Variants in CGGBP1 observed in about 807,000 individuals in gnomAD.
CGGBP1 encodes CGG triplet repeat binding protein 1.
A neutral mutation model predicts 11.4 loss-of-function variants in CGGBP1; 4 were observed. That is an observed-to-expected ratio of 0.35 (90% CI 0.17 to 0.80). The LOEUF (loss-of-function observed/expected upper bound fraction) is 0.80, where lower values mean the gene tolerates loss of function less well. Ranked by LOEUF, CGGBP1 falls within the 30% of genes least tolerant of loss-of-function variation. CGGBP1 has a pLI of 0.52. For missense variants in CGGBP1, 135 were observed against 202.1 expected, an observed-to-expected ratio of 0.67 and a Z score of 2.01; for synonymous variants, 76 against 74.1, an observed-to-expected ratio of 1.03 and a Z score of -0.13.
chr3:88,107,229 C>G (rs1202251375), intron 2 of CGGBP1, among the ~76,000 whole-genome samples: 1 of 152,170 alleles, frequency 6.6e-6, no homozygotes, highest in African/African-American at 2.4e-5. Context: ...GGAACACTAA[C>G]GCTGAATGAA....
chr3:88,059,214 G>T, upstream of CGGBP1: 1 of 1,480,734 alleles, frequency 6.8e-7, no homozygotes, highest in East Asian at 2.5e-5. Context: ...TCCGGCTAGG[G>T]AGGAGGGAAG....
rs1292433241 is a variant in CGGBP1 at position 88,053,465 on chromosome 3, G to A, written c.*2008C>T. On this transcript the variant is annotated 3_prime_UTR_variant, in exon 4 of 4. Coordinates refer to ENST00000482016, the MANE Select transcript of CGGBP1 (RefSeq NM_001008390.2). ...TAAAATTTAAGTGATTATCAAATCAGTAGTAACTACTAAAACTTAAATATG... is the reference window on the plus strand; with the variant it reads ...TAAAATTTAAGTGATTATCAAATCAATAGTAACTACTAAAACTTAAATATG... The A allele has an allele frequency of 6.6e-6, 1 of 152,130 alleles. No individual in the cohort carries two copies. Among genetic ancestry groups the A allele is most frequent in the Non-Finnish European group, 1.5e-5 (1 of 67,986 alleles). The allele number at this position is 152,130 out of a possible 1,614,324, so 9.4% of individuals were successfully genotyped here.
At chr3:88,056,064 A>G in intron 3 of CGGBP1, 65 bp from the exon 4 acceptor site, 3 of 1,243,100 alleles carry the variant, frequency 2.4e-6, no homozygotes, top group South Asian at 2.9e-5. Flanking sequence ...GTAATGAACA[A>G]TAAAAGGCAG....
At chr3:88,074,286 G>A (rs957081739) in intron 2 of CGGBP1, among the ~76,000 whole-genome samples, 21 of 151,380 alleles carry the variant, frequency 1.4e-4, no homozygotes, top group Admixed American at 5.3e-4. Context: ...ATTGGGAGTG[G>A]CTTCTTTTAG....
upstream of CGGBP1, among the ~76,000 whole-genome samples, chr3:88,060,526 C>A (rs1365214830): frequency 6.6e-6 from 1 of 152,116 alleles, no homozygotes; most frequent in East Asian, 1.9e-4. Context: ...TTTTAAAATG[C>A]GTCCATTAAT....
chr3:88,064,391 T>G (rs1248904780), intron 2 of CGGBP1, among the ~76,000 whole-genome samples: 2 of 152,192 alleles, frequency 1.3e-5, no homozygotes, highest in Admixed American at 6.5e-5. Context: ...GTTTATCCCT[T>G]TCCTTCCTGC....
chr3:88,081,950 G>T (rs1356778312), intron 2 of CGGBP1, among the ~76,000 whole-genome samples: 2 of 152,058 alleles, frequency 1.3e-5, no homozygotes, highest in East Asian at 3.9e-4. Context: ...TACTGAAGGG[G>T]GTAAGACTAA....
chr3:88,102,072 G>T (rs1443717162), intron 2 of CGGBP1, among the ~76,000 whole-genome samples: 1 of 152,036 alleles, frequency 6.6e-6, no homozygotes, highest in Non-Finnish European at 1.5e-5. Flanking sequence ...TATGTGATTT[G>T]TGATTTATCC....
intron 2 of CGGBP1, among the ~76,000 whole-genome samples, chr3:88,103,762 CTTTTTTT>C (rs56210218): frequency 1.2e-5 from 1 of 83,368 alleles, no homozygotes; most frequent in Non-Finnish European, 2.4e-5. Context: ...GATGTATTAA[CTTTTTTT>C]TTTTTTTTTT....
chr3:88,075,420 ACT>A (rs1441675715), intron 2 of CGGBP1, among the ~76,000 whole-genome samples: 12 of 152,070 alleles, frequency 7.9e-5, no homozygotes, highest in Non-Finnish European at 1.3e-4. Flanking sequence ...TCATAAAAAC[ACT>A]CTTTTTGTGC....
chr3:88,068,016 T>C (rs1224535861), intron 2 of CGGBP1, among the ~76,000 whole-genome samples: 1 of 151,514 alleles, frequency 6.6e-6, no homozygotes, highest in Non-Finnish European at 1.5e-5. Flanking sequence ...TGAAGGGGAG[T>C]AAGGACAACA....
rs888296425 is a variant in CGGBP1 at position 88,054,110 on chromosome 3, C to G, written c.*1363G>C. ...ATAAATGAAGATTTGTGGTAAAAGTCAAAGATAACTCCAAGTCACACAGGG... is the reference window on the plus strand; with the variant it reads ...ATAAATGAAGATTTGTGGTAAAAGTGAAAGATAACTCCAAGTCACACAGGG... On this transcript the variant is annotated 3_prime_UTR_variant, in exon 4 of 4. Coordinates refer to ENST00000482016, the MANE Select transcript of CGGBP1 (RefSeq NM_001008390.2). 1 of 152,460 alleles carries G rather than the reference C, an allele frequency of 6.6e-6. No homozygotes were observed. Among genetic ancestry groups the G allele is most frequent in the Non-Finnish European group, 1.5e-5 (1 of 67,978 alleles). 9.4% of individuals were successfully genotyped at this position (152,460 alleles called of 1,614,324 possible). A position where few individuals can be genotyped will look rare whatever the true frequency, so the allele number is the denominator to read the frequency against.
intron 2 of CGGBP1, among the ~76,000 whole-genome samples, chr3:88,083,310 A>C (rs569079586): frequency 6.6e-6 from 1 of 152,346 alleles, no homozygotes; most frequent in South Asian, 2.1e-4. Flanking sequence ...TATGTTGTTT[A>C]CATTTTGACA....
chr3:88,058,875 A>T lies in CGGBP1; in HGVS notation c.-391T>A. 6.3e-6 allele frequency: 1 copy of T among 159,024 alleles called. No individual in the cohort carries two copies. Among genetic ancestry groups the T allele is most frequent in the Non-Finnish European group, 1.4e-5 (1 of 72,622 alleles). 9.9% of individuals were successfully genotyped at this position (159,024 alleles called of 1,614,324 possible). On this transcript the variant is annotated 5_prime_UTR_variant, in exon 1 of 4. Coordinates refer to ENST00000482016, the MANE Select transcript of CGGBP1 (RefSeq NM_001008390.2). The stretch of plus-strand genomic sequence containing the variant: ...AGGCCCGGCCGGAAAGGAAAAGAAA[A>T]GGAAGAAAGAGGAGCAAGGGAATAA...
chr3:88,120,622 A>G (rs1466569058), intron 2 of CGGBP1, among the ~76,000 whole-genome samples: 2 of 152,156 alleles, frequency 1.3e-5, no homozygotes, highest in Non-Finnish European at 2.9e-5. Flanking sequence ...AATAATACCT[A>G]AGACCAGGGT....
intron 2 of CGGBP1, among the ~76,000 whole-genome samples, chr3:88,135,931 ATTT>A (rs1303590331): frequency 8.6e-5 from 13 of 151,956 alleles, no homozygotes; most frequent in Non-Finnish European, 1.8e-4. Context: ...ATACATTTTA[ATTT>A]TTTTATGTAT....
Position 88,141,562 on chromosome 3 carries a change from G to A in CGGBP1, c.-337-484C>T, listed in dbSNP as rs1157227675. ...TATCAATATCCTTTAAAATGACAGG[G>A]TATAAATTAAACAGGAATCTGACTT... On this transcript the variant is annotated intron_variant, in intron 1 of 3. Coordinates refer to the CGGBP1 transcript ENST00000462901. 3.9e-6 allele frequency: 4 copies of A among 1,021,944 alleles called. No homozygotes were observed. The South Asian group carries it at 8.4e-5, about 22-fold the overall frequency. The allele number at this position is 1,021,944 out of a possible 1,614,324, so 63.3% of individuals were successfully genotyped here.
At position 88,055,495 on chromosome 3, in the gene CGGBP1, A is replaced by C. The variant is rs1706520973; in HGVS notation, c.482T>G (p.Leu161Arg). 3 of 1,525,744 alleles carry C rather than the reference A, an allele frequency of 2.0e-6. No homozygotes were observed. The East Asian group carries it at 6.8e-5, about 35-fold the overall frequency. 94.5% of individuals were successfully genotyped at this position (1,525,744 alleles called of 1,614,324 possible). A position where few individuals can be genotyped will look rare whatever the true frequency, so the allele number is the denominator to read the frequency against. The change falls in exon 4 of 4, where the codon CTC becomes CGC. Residue 161 changes from leucine (L) to arginine (R), a missense_variant. Physicochemically the swap from Leu to Arg is moderately radical, Grantham distance 102. Coordinates refer to ENST00000482016, the MANE Select transcript of CGGBP1 (RefSeq NM_001008390.2). The surrounding 1 kb of genome is among the most constrained non-coding windows in gnomAD (Gnocchi z 4.2). ...LPDGYENENQLLNSQDC is the reference protein window; with the variant it reads ...LPDGYENENQRLNSQDC ...TAGTCAACAATCTTGTGAGTTGAGGAGTTGATTCTCATTCTCATATCCATC... is the reference window on the plus strand; with the variant it reads ...TAGTCAACAATCTTGTGAGTTGAGGCGTTGATTCTCATTCTCATATCCATC...
intron 2 of CGGBP1, among the ~76,000 whole-genome samples, chr3:88,100,149 C>T (rs2107712984): frequency 6.6e-6 from 1 of 152,294 alleles, no homozygotes; most frequent in East Asian, 1.9e-4. Flanking sequence ...ACAACCCCAT[C>T]AGAAAGTGGG....
Sources: allele counts gnomAD v4.1 joint callset (sites outside exome capture counted in the v4.1 genomes callset), GRCh38; gene constraint gnomAD v4.1.1; non-coding constraint Gnocchi (gnomAD v3.1); transcripts MANE v1.5; gene names NCBI Gene and HGNC (gene_info 2026-07-23, HGNC 2026-07-21).